DHX40: variants seen among roughly 807,000 people sequenced by gnomAD.
DHX40 encodes the protein probable ATP-dependent RNA helicase DHX40.
In DHX40, 28 loss-of-function variants were observed where a neutral mutation model predicts 89.6. The observed-to-expected ratio is 0.31, with a 90% CI of 0.23 to 0.43. DHX40 has a LOEUF of 0.43. Among genes scored for constraint, DHX40 ranks in the 20% least tolerant of loss-of-function variants. The pLI, the probability that DHX40 is intolerant of heterozygous loss-of-function variation, is 1.00. For synonymous variants in DHX40, 226 were observed against 283.6 expected (o/e 0.80, Z 2.04); for missense variants, 457 against 844.0 (o/e 0.54, Z 5.68).
At chr17:59,571,808 T>C (rs570938241) in intron 3 of DHX40, among the ~76,000 whole-genome samples, 3 of 152,104 alleles carry the variant, frequency 2.0e-5, no homozygotes, top group Non-Finnish European at 2.9e-5. Context: ...CCTGACCTTG[T>C]GATCTGCCCA....
At chr17:59,569,006 C>T (rs1438759875) in intron 2 of DHX40, among the ~76,000 whole-genome samples, 1 of 152,070 alleles carries the variant, frequency 6.6e-6, no homozygotes, top group Non-Finnish European at 1.5e-5. Flanking sequence ...GTGTGTACCA[C>T]TGCTCCCAGC....
At chr17:59,571,173 A>G (rs550427955) in intron 3 of DHX40, among the ~76,000 whole-genome samples, 2 of 152,254 alleles carry the variant, frequency 1.3e-5, no homozygotes, top group South Asian at 4.1e-4. Context: ...TATGTTCACA[A>G]TGGGCTGGGC....
rs367838186 is a variant in DHX40 at position 59,587,959 on chromosome 17, A to G, written c.1488A>G (p.Thr496=). 3.1e-6 allele frequency: 5 copies of G among 1,613,672 alleles called. No homozygotes were observed. The highest frequency in any genetic ancestry group is 1.3e-5 in the African/African-American group (1 of 74,818). Residue 496 remains threonine, a synonymous_variant, in exon 12 of 18, where the codon ACA becomes ACG. Coordinates refer to ENST00000251241, the MANE Select transcript of DHX40 (RefSeq NM_024612.5). ...AGTTTCCTTTGCCTCCACATCTGAC[A>G]TGTGCAGTAATAAAAGCTGCTTCCC... ...MVEFPLPPHL[T]CAVIKAASLD...
chr17:59,594,138 T>C (rs1192315248), intron 12 of DHX40, among the ~76,000 whole-genome samples: 7 of 152,116 alleles, frequency 4.6e-5, no homozygotes, highest in African/African-American at 1.7e-4. Context: ...AACAATCTTC[T>C]AGAACACCAG....
chr17:59,579,903 A>AG (rs2048928128), intron 10 of DHX40, 24 bp downstream of exon 10: 2 of 42,774 alleles, frequency 4.7e-5, no homozygotes, highest in Non-Finnish European at 3.1e-5. Flanking sequence ...TAGAAAAAAA[A>AG]GGAAAAACTT....
intron 12 of DHX40, among the ~76,000 whole-genome samples, chr17:59,591,944 C>T (rs2049089639): frequency 1.3e-5 from 2 of 151,852 alleles, no homozygotes; most frequent in Non-Finnish European, 2.9e-5. Flanking sequence ...TCATGGCTCA[C>T]CGCAGCCTTG....
At chr17:59,586,384 C>A (rs987567561) in intron 11 of DHX40, 151 bp downstream of exon 11, 7 of 805,640 alleles carry the variant, frequency 8.7e-6, no homozygotes, top group Non-Finnish European at 1.4e-5. Context: ...AAAAACCAGC[C>A]GGGCGCTGTG....
In DHX40 at chr17:59,581,716, G is replaced by A. The variant is rs1598152896; in HGVS notation, c.1343+1837G>A. Among the ~76,000 whole-genome samples, 2 of 76,104 alleles carry A rather than the reference G, an allele frequency of 2.6e-5. 1 individual carries two copies. 49.9% of individuals were successfully genotyped at this position (76,104 alleles called of 152,430 possible). On this transcript the variant is annotated intron_variant, in intron 10 of 17. Transcript: ENST00000251241. ...AGAGGTTGCAGTGAGCCGAGATTGC[G>A]CCATCGCACTCCAGCCTGGGCAACA...
chr17:59,601,569 T>TG (rs2030528812), intron 14 of DHX40, among the ~76,000 whole-genome samples: 1 of 152,196 alleles, frequency 6.6e-6, no homozygotes. Flanking sequence ...CTCTACTTTT[T>TG]GAACATATGT....
chr17:59,591,004 C>G (rs1343246551), intron 12 of DHX40, among the ~76,000 whole-genome samples: 1 of 150,652 alleles, frequency 6.6e-6, no homozygotes, highest in Non-Finnish European at 1.5e-5. Flanking sequence ...AAGACCCCAT[C>G]TCTGATAAGA....
At chr17:59,577,210 T>C in intron 7 of DHX40, 56 bp from the exon 8 acceptor site, 1 of 1,448,002 alleles carries the variant, frequency 6.9e-7, no homozygotes. Context: ...TCTTCAAAAC[T>C]CGAGTTTGAC....
chr17:59,589,215 A>ATTTTTTTTT (rs1209554990), intron 12 of DHX40, among the ~76,000 whole-genome samples: 2 of 89,356 alleles, frequency 2.2e-5, no homozygotes, highest in South Asian at 4.0e-4. Context: ...ACTTGCTGGG[A>ATTTTTTTTT]TTTTTTTTTT....
chr17:59,574,105 A>AT (rs2048848703), intron 5 of DHX40, 83 bp from the exon 6 acceptor site: 2 of 600,144 alleles, frequency 3.3e-6, no homozygotes, highest in African/African-American at 5.6e-5. Context: ...ACCAAATTTA[A>AT]TTTTTCTGTG....
chr17:59,574,867 A>C (rs1243613329), intron 6 of DHX40, among the ~76,000 whole-genome samples: 1 of 152,106 alleles, frequency 6.6e-6, no homozygotes, highest in Admixed American at 6.5e-5. Context: ...TAAATCCCAA[A>C]CTAGTGGCAT....
intron 12 of DHX40, among the ~76,000 whole-genome samples, chr17:59,596,247 C>T (rs947397308): frequency 1.3e-5 from 2 of 152,006 alleles, no homozygotes; most frequent in African/African-American, 4.8e-5. Flanking sequence ...CAGTTAGGTG[C>T]TTGAAATGAA....
intron 4 of DHX40, 60 bp from the exon 5 acceptor site, chr17:59,573,680 C>T (rs2143226704): frequency 1.3e-6 from 2 of 1,542,102 alleles, no homozygotes; most frequent in South Asian, 1.1e-5. Context: ...AGCAGTGTAT[C>T]TAAAATAGTT....
At chr17:59,586,085 C>G (rs2048991562) in intron 10 of DHX40, 68 bp from the exon 11 acceptor site, 1 of 1,156,812 alleles carries the variant, frequency 8.6e-7, no homozygotes, top group Non-Finnish European at 1.2e-6. Flanking sequence ...AAATTTTCGT[C>G]ATGTCTATAT....
At chr17:59,586,263 A>T in intron 11 of DHX40, 30 bp downstream of exon 11, 1 of 1,437,046 alleles carries the variant, frequency 7.0e-7, no homozygotes, top group South Asian at 1.3e-5. Context: ...ATCACAATCA[A>T]AACAGATATT....
intron 2 of DHX40, among the ~76,000 whole-genome samples, chr17:59,570,161 TA>T (rs1567858277): frequency 2.1e-4 from 27 of 126,744 alleles, no homozygotes; most frequent in African/African-American, 6.8e-4. Context: ...ATAATACATA[TA>T]ATATGTTATA....
Sources: allele counts gnomAD v4.1 joint callset (sites outside exome capture counted in the v4.1 genomes callset), GRCh38; gene constraint gnomAD v4.1.1; transcripts MANE v1.5; gene names NCBI Gene and HGNC (gene_info 2026-07-23, HGNC 2026-07-21).